CLCN5: variants seen among roughly 807,000 people sequenced by gnomAD.
The protein encoded by CLCN5 is H(+)/Cl(-) exchange transporter 5.
Under a neutral mutation model 54.0 loss-of-function variants are expected in CLCN5, and 17 were observed. That is an observed-to-expected ratio of 0.31 (90% CI 0.22 to 0.47). CLCN5 has a LOEUF of 0.47. CLCN5 is among the 20% of genes least tolerant of loss of function. The probability of loss-of-function intolerance (pLI) is 1.00; values close to 1 mark genes in which losing one functional copy is unlikely to be tolerated. For missense variants in CLCN5, 448 were observed against 646.7 expected, an observed-to-expected ratio of 0.69 and a Z score of 3.33; for synonymous variants, 222 against 233.0, an observed-to-expected ratio of 0.95 and a Z score of 0.43.
chrX:50,074,150 G>T (rs1933322513), intron 6 of CLCN5, among the ~76,000 whole-genome samples: 1 of 112,102 alleles, frequency 8.9e-6, no homozygotes, highest in African/African-American at 3.2e-5. Context: ...AATCTATTCG[G>T]TTTGTGCAAA....
intron 3 of CLCN5, among the ~76,000 whole-genome samples, chrX:49,939,289 T>G (rs1926183516): frequency 1.8e-5 from 2 of 110,348 alleles, no homozygotes; most frequent in South Asian, 7.9e-4. Flanking sequence ...CATTACTGGG[T>G]ATATACCCAA....
chrX:49,969,843 A>G (rs1928112478), intron 3 of CLCN5, among the ~76,000 whole-genome samples: 1 of 111,810 alleles, frequency 8.9e-6, no homozygotes, highest in Admixed American at 9.5e-5. Context: ...AATTATTGAG[A>G]GAGTGGTGTT....
chrX:49,979,474 A>G (rs1225134027), intron 3 of CLCN5, among the ~76,000 whole-genome samples: 2 of 111,913 alleles, frequency 1.8e-5, no homozygotes, highest in African/African-American at 6.5e-5. Context: ...ATCACAGGGT[A>G]GTTCTGAAGC....
chrX:49,994,345 G>A (rs1315041824), intron 3 of CLCN5, among the ~76,000 whole-genome samples: 1 of 110,866 alleles, frequency 9.0e-6, no homozygotes, highest in Non-Finnish European at 1.9e-5. Context: ...GGGGCAAGGT[G>A]GAGTGGTGGT....
In CLCN5 at chrX:50,092,168, G is replaced by A. The variant is rs1934125228; in HGVS notation, c.2400G>A (p.Lys800=). 24 of 1,205,817 alleles carry A rather than the reference G, an allele frequency of 2.0e-5. No individual in the cohort carries two copies. The highest frequency in any genetic ancestry group is 2.5e-5 in the Non-Finnish European group (22 of 890,079). ...LGIITKKDVL[K]HIAQMANQDP... ...TCATTACCAAAAAGGATGTGTTAAA[G>A]CATATAGCACAGATGGCGAACCAAG... The change falls in exon 15 of 15, where the codon AAG becomes AAA. Residue 800 remains lysine, a synonymous_variant. Transcript: ENST00000376091.
At chrX:50,012,320 A>G (rs782376963) in intron 3 of CLCN5, among the ~76,000 whole-genome samples, 6 of 112,000 alleles carry the variant, frequency 5.4e-5, no homozygotes, top group South Asian at 3.8e-4. Flanking sequence ...GTGCAAGGCA[A>G]TAGGCTTTCT....
rs1557193900 is a variant in CLCN5, at chrX:50,086,355, T to C, written c.1042T>C (p.Leu348=). 2.5e-6 allele frequency: 3 copies of C among 1,210,855 alleles called. No individual in the cohort carries two copies. The highest frequency in any genetic ancestry group is 2.2e-6 in the Non-Finnish European group (2 of 894,905). ...CAGCTACTATTTTCCCCTCAAAACA[T>C]TGTGGCGTTCATTCTTTGCTGCCTT... ...EVSYYFPLKT[L]WRSFFAALVA... The change falls in exon 11 of 15, where the codon TTG becomes CTG. Residue 348 remains leucine, a synonymous_variant. Coordinates refer to ENST00000376091, the MANE Select transcript of CLCN5 (RefSeq NM_001127898.4).
chrX:50,062,116 G>C (rs1423836942), intron 4 of CLCN5, among the ~76,000 whole-genome samples: 25 of 106,332 alleles, frequency 2.4e-4, no homozygotes, highest in Admixed American at 3.0e-4. Flanking sequence ...GCAAAATAAC[G>C]AGCTAACATC....
intron 3 of CLCN5, among the ~76,000 whole-genome samples, chrX:49,953,295 CT>C (rs1927147989): frequency 9.0e-6 from 1 of 111,633 alleles, no homozygotes; most frequent in South Asian, 3.7e-4. Context: ...TCTACAATAA[CT>C]TTTTTGTGTT....
At chrX:50,026,302 A>T (rs1015851332) in intron 3 of CLCN5, among the ~76,000 whole-genome samples, 23 of 111,689 alleles carry the variant, frequency 2.1e-4, no homozygotes, top group African/African-American at 6.8e-4. Flanking sequence ...TTTCTGTCTT[A>T]GTGAATGTTC....
intron 8 of CLCN5, among the ~76,000 whole-genome samples, chrX:50,081,330 G>C (rs1291987298): frequency 9.1e-6 from 1 of 110,139 alleles, no homozygotes; most frequent in Non-Finnish European, 1.9e-5. Context: ...CTACCACGTT[G>C]TAACATGAGG....
At chrX:50,027,600 T>G (rs111472511) in intron 3 of CLCN5, among the ~76,000 whole-genome samples, 5,086 of 111,981 alleles carry the variant, frequency 0.045, 306 homozygotes, top group African/African-American at 0.16. Context: ...CTTACATTAC[T>G]CATCTGCTCT....
intron 3 of CLCN5, among the ~76,000 whole-genome samples, chrX:50,019,468 C>CTTTTTTTT (rs1175073117): frequency 2.4e-3 from 116 of 47,648 alleles, no homozygotes; most frequent in Non-Finnish European, 3.2e-3. Flanking sequence ...TTTTTTTTTT[C>CTTTTTTTT]TTTTTTTTTT....
At chrX:49,967,381 T>TAGGTATTGATGGGACG in intron 3 of CLCN5, among the ~76,000 whole-genome samples, 1 of 68,707 alleles carries the variant, frequency 1.5e-5, no homozygotes, top group African/African-American at 1.1e-4. Context: ...TGATGAGCAT[T>TAGGTATTGATGGGACG]TCTTCATGTG....
Position 49,966,589 on chromosome X carries a change from C to T in CLCN5, c.16+41275C>T, listed in dbSNP as rs1165680162. 5.6e-4 allele frequency among the ~76,000 whole-genome samples: 10 copies of T among 17,794 alleles called. 1 individual carries two copies. The highest frequency in any genetic ancestry group is 2.7e-3 in the African/African-American group (7 of 2,619). 15.5% of individuals were successfully genotyped at this position (17,794 alleles called of 115,157 possible). A position where few individuals can be genotyped will look rare whatever the true frequency, so the allele number is the denominator to read the frequency against. ...TCTCATTGATTTTTATATCTCTGAT[C>T]TTTTTTTTTTTTTTTTTTTTTTATT... is the stretch of plus-strand genomic sequence containing the variant. On this transcript the variant is annotated intron_variant, in intron 3 of 14. Transcript: ENST00000376091.
At chrX:49,980,930 C>G (rs782060208) in intron 3 of CLCN5, among the ~76,000 whole-genome samples, 3 of 111,683 alleles carry the variant, frequency 2.7e-5, no homozygotes, top group Non-Finnish European at 3.8e-5. Context: ...ATTTCTCCAT[C>G]AAAATCATGG....
chrX:50,058,285 A>G (rs1557189362), intron 4 of CLCN5, among the ~76,000 whole-genome samples: 1 of 111,494 alleles, frequency 9.0e-6, no homozygotes, highest in Non-Finnish European at 1.9e-5. Flanking sequence ...GGGTCTGTGC[A>G]TGAGATTTCT....
chrX:50,026,452 T>G lies in CLCN5; in HGVS notation c.17-15864T>G, dbSNP rs144407181. 6.9e-3 allele frequency among the ~76,000 whole-genome samples: 774 copies of G among 111,933 alleles called. 7 individuals are homozygous for G. Among genetic ancestry groups the G allele is most frequent in the African/African-American group, 0.023 (718 of 30,840 alleles). On this transcript the variant is annotated intron_variant, in intron 3 of 14. Coordinates refer to ENST00000376091, the MANE Select transcript of CLCN5 (RefSeq NM_001127898.4). ...TCTTCTGTCTGCTGTATCTGTCAATTACTAATAGAGGGGTGGTGAAGTCTC... is the reference window on the plus strand; with the variant it reads ...TCTTCTGTCTGCTGTATCTGTCAATGACTAATAGAGGGGTGGTGAAGTCTC...
At chrX:49,984,576 T>A (rs932506822) in intron 3 of CLCN5, among the ~76,000 whole-genome samples, 29 of 111,248 alleles carry the variant, frequency 2.6e-4, no homozygotes, top group African/African-American at 9.5e-4. Flanking sequence ...TTTCTCTCTC[T>A]TTCTCTTTCG....
Sources: gnomAD v4.1 joint callset for allele counts (sites outside exome capture counted in the v4.1 genomes callset) on GRCh38, gnomAD v4.1.1 for gene constraint, MANE v1.5 for transcripts, NCBI Gene and HGNC (gene_info 2026-07-23, HGNC 2026-07-21) for gene names.